The following GALNT13 variants were observed in gnomAD, a reference collection of about 807,000 sequenced individuals.
The protein encoded by GALNT13 is UDP-GalNAc:polypeptide N-acetylgalactosaminyltransferase 13.
Under a neutral mutation model 64.2 loss-of-function variants are expected in GALNT13, and 28 were observed. The ratio of observed to expected loss-of-function variants is 0.44; its 90% CI spans 0.32 to 0.60. The LOEUF (loss-of-function observed/expected upper bound fraction) is 0.60, where lower values mean the gene tolerates loss of function less well. GALNT13 is among the 20% of genes least tolerant of loss of function. The pLI is 0.05. For synonymous variants in GALNT13, 214 were observed against 224.6 expected (o/e 0.95, Z 0.42); for missense variants, 577 against 669.8 (o/e 0.86, Z 1.53).
intron 3 of GALNT13, among the ~76,000 whole-genome samples, chr2:153,998,037 C>G (rs973374022): frequency 1.3e-5 from 2 of 152,126 alleles, no homozygotes; most frequent in East Asian, 1.9e-4. Flanking sequence ...TTTATCAGGT[C>G]TATCATTGAT....
chr2:154,000,944 G>A (rs1695863400), intron 3 of GALNT13, among the ~76,000 whole-genome samples: 1 of 151,870 alleles, frequency 6.6e-6, no homozygotes, highest in Non-Finnish European at 1.5e-5. Context: ...AGGTCTATGT[G>A]TATTTGCTGT....
chr2:153,621,808 T>C, the GALNT13 span, among the ~76,000 whole-genome samples: 1 of 152,056 alleles, frequency 6.6e-6, no homozygotes, highest in South Asian at 2.1e-4. Context: ...TTGTGTTGAA[T>C]GCTGCCTGGC....
chr2:153,069,606 G>A, the GALNT13 span, among the ~76,000 whole-genome samples: 1 of 152,132 alleles, frequency 6.6e-6, no homozygotes, highest in African/African-American at 2.4e-5. Context: ...GAATCACAGA[G>A]CTATTAAATG....
chr2:153,977,865 A>G (rs1436236287), intron 3 of GALNT13, among the ~76,000 whole-genome samples: 1 of 152,188 alleles, frequency 6.6e-6, no homozygotes, highest in Non-Finnish European at 1.5e-5. Flanking sequence ...TCTCAAGACT[A>G]TACTCATATC....
At chr2:153,634,385 C>T in the GALNT13 span, among the ~76,000 whole-genome samples, 2 of 151,892 alleles carry the variant, frequency 1.3e-5, no homozygotes, top group Non-Finnish European at 2.9e-5. Context: ...TCTGATAATA[C>T]ACTGATGGGA....
chr2:153,075,457 A>ATT, the GALNT13 span, among the ~76,000 whole-genome samples: 8 of 152,182 alleles, frequency 5.3e-5, no homozygotes, highest in African/African-American at 1.9e-4. Flanking sequence ...ACTGTCTTAG[A>ATT]ATAATATCAA....
the GALNT13 span, among the ~76,000 whole-genome samples, chr2:153,465,576 A>G: frequency 6.6e-6 from 1 of 151,724 alleles, no homozygotes; most frequent in Non-Finnish European, 1.5e-5. Context: ...ATGAGTCTGT[A>G]CCTCAAGGAT....
chr2:154,423,158 C>T (rs58934237), intron 11 of GALNT13, among the ~76,000 whole-genome samples: 171 of 150,038 alleles, frequency 1.1e-3, no homozygotes, highest in African/African-American at 3.7e-3. Context: ...TGAGAACATG[C>T]GGTGTTTGGT....
intron 3 of GALNT13, among the ~76,000 whole-genome samples, chr2:154,039,861 A>G (rs1162169509): frequency 1.4e-5 from 2 of 140,538 alleles, no homozygotes; most frequent in African/African-American, 2.4e-5. Flanking sequence ...ATACATGTAT[A>G]GGGATATTGT....
downstream of GALNT13, among the ~76,000 whole-genome samples, chr2:154,456,199 T>TGTTGTG (rs1163540680): frequency 1.3e-5 from 2 of 150,838 alleles, no homozygotes; most frequent in Non-Finnish European, 3.0e-5. Flanking sequence ...GTTTTGTTGT[T>TGTTGTG]GTTGTTGTTG....
At chr2:154,387,780 C>T (rs920645807) in intron 9 of GALNT13, among the ~76,000 whole-genome samples, 3 of 152,076 alleles carry the variant, frequency 2.0e-5, no homozygotes, top group Non-Finnish European at 4.4e-5. Flanking sequence ...CTAAATAGTG[C>T]TTCATTGCAT....
At chr2:153,356,708 G>A in the GALNT13 span, 1 of 151,808 alleles carries the variant, frequency 6.6e-6, no homozygotes, top group African/African-American at 2.4e-5. Context: ...CCTGTGTATG[G>A]GGTGCGCTAT....
chr2:153,471,161 C>G, the GALNT13 span, among the ~76,000 whole-genome samples: 1 of 152,088 alleles, frequency 6.6e-6, no homozygotes, highest in African/African-American at 2.4e-5. Flanking sequence ...GAGTGTGTGG[C>G]TCACGCAGAT....
chr2:153,241,313 A>G, the GALNT13 span, among the ~76,000 whole-genome samples: 94 of 152,280 alleles, frequency 6.2e-4, no homozygotes, highest in African/African-American at 2.1e-3. Flanking sequence ...AATGGGAGAA[A>G]GTTTGAGACT....
the GALNT13 span, among the ~76,000 whole-genome samples, chr2:153,384,206 T>C: frequency 1.3e-5 from 2 of 152,082 alleles, no homozygotes; most frequent in African/African-American, 4.8e-5. Flanking sequence ...TAGTTGGTTA[T>C]TGTGGAACTG....
intron 7 of GALNT13, among the ~76,000 whole-genome samples, chr2:154,251,735 T>C (rs1229386052): frequency 1.3e-5 from 2 of 152,206 alleles, no homozygotes; most frequent in Admixed American, 1.3e-4. Context: ...TTTAATTACA[T>C]TCAGCATTTA....
chr2:154,162,759 A>G (rs1684807966), intron 4 of GALNT13, among the ~76,000 whole-genome samples: 1 of 152,154 alleles, frequency 6.6e-6, no homozygotes, highest in South Asian at 2.1e-4. Flanking sequence ...GGCAGAATTA[A>G]TCATATTATT....
intron 3 of GALNT13, among the ~76,000 whole-genome samples, chr2:154,069,242 A>G (rs867158247): frequency 3.9e-5 from 6 of 152,112 alleles, no homozygotes; most frequent in Middle Eastern, 3.4e-3. Context: ...TTGAAGGAAA[A>G]TATTTGTAAA....
intron 4 of GALNT13, among the ~76,000 whole-genome samples, chr2:154,147,549 A>T (rs183426867): frequency 6.6e-6 from 1 of 151,988 alleles, no homozygotes; most frequent in Non-Finnish European, 1.5e-5. Flanking sequence ...GACAGCAGAA[A>T]GGAGAGTGTA....
Sources: gnomAD v4.1 joint callset for allele counts (sites outside exome capture counted in the v4.1 genomes callset) on GRCh38, gnomAD v4.1.1 for gene constraint, MANE v1.5 for transcripts, NCBI Gene and HGNC (gene_info 2026-07-23, HGNC 2026-07-21) for gene names.